UTRN: variants seen among roughly 807,000 people sequenced by gnomAD.
The protein encoded by UTRN is utrophin.
In UTRN, 283 loss-of-function variants were observed where a neutral mutation model predicts 463.9. The ratio of observed to expected loss-of-function variants is 0.61; its 90% CI spans 0.55 to 0.67. The LOEUF (loss-of-function observed/expected upper bound fraction) is 0.67, where lower values mean the gene tolerates loss of function less well. UTRN is among the 30% of genes least tolerant of loss of function. UTRN has a pLI of 0.00. For missense variants in UTRN, 3,922 were observed against 4,084.3 expected (o/e 0.96, Z 1.08); for synonymous variants, 1,442 against 1,431.5 (o/e 1.01, Z -0.17).
rs190593196 is a variant in UTRN, at chr6:144,474,478, A to G, written c.3181-126A>G. On this transcript the variant is annotated intron_variant, in intron 24 of 74. Transcript: ENST00000367545. The stretch of plus-strand genomic sequence containing the variant: ...TCTTAAGGCACAATATTTCTTAAGT[A>G]GTTAGAAGTACTGACTCTTAAGCAG... 2.0e-4 allele frequency: 191 copies of G among 963,432 alleles called. No homozygotes were observed. The African/African-American group carries it at 3.0e-3, about 15-fold the overall frequency. 59.7% of individuals were successfully genotyped at this position (963,432 alleles called of 1,614,324 possible). A position where few individuals can be genotyped will look rare whatever the true frequency, so the allele number is the denominator to read the frequency against.
intron 45 of UTRN, among the ~76,000 whole-genome samples, chr6:144,540,605 C>T (rs1033663501): frequency 5.9e-5 from 9 of 152,188 alleles, no homozygotes; most frequent in African/African-American, 1.2e-4. Flanking sequence ...CATACACAAT[C>T]GAGCTTTTGA....
At chr6:144,811,425 T>C (rs1778601509) in intron 65 of UTRN, among the ~76,000 whole-genome samples, 1 of 152,090 alleles carries the variant, frequency 6.6e-6, no homozygotes, top group Non-Finnish European at 1.5e-5. Context: ...CATCCTGAAG[T>C]GGTGTTTCAG....
chr6:144,809,857 T>A (rs1040834151), intron 65 of UTRN, among the ~76,000 whole-genome samples: 1 of 152,124 alleles, frequency 6.6e-6, no homozygotes, highest in African/African-American at 2.4e-5. Context: ...CTTCCCATCT[T>A]AGTTTCATAG....
At chr6:144,433,161 C>T (rs1294106656) in intron 9 of UTRN, among the ~76,000 whole-genome samples, 39 of 152,136 alleles carry the variant, frequency 2.6e-4, no homozygotes, top group African/African-American at 8.7e-4. Context: ...TCCACAAAAC[C>T]GCCATTGTCA....
chr6:144,449,267 T>G (rs1007755154), intron 17 of UTRN, among the ~76,000 whole-genome samples: 1 of 152,202 alleles, frequency 6.6e-6, no homozygotes, highest in Non-Finnish European at 1.5e-5. Context: ...TAAAATGGAC[T>G]ACCCCAATAA....
At chr6:144,833,225 A>G (rs755974982) in intron 69 of UTRN, among the ~76,000 whole-genome samples, 1 of 152,084 alleles carries the variant, frequency 6.6e-6, no homozygotes, top group Non-Finnish European at 1.5e-5. Context: ...ATCCTTGCTC[A>G]TTCTTTCTTT....
intron 51 of UTRN, among the ~76,000 whole-genome samples, chr6:144,606,159 AT>A (rs2128639399): frequency 6.6e-6 from 1 of 152,338 alleles, no homozygotes; most frequent in African/African-American, 2.4e-5. Flanking sequence ...ATTCAGTACT[AT>A]TTGTAAAACA....
intron 5 of UTRN, 150 bp from the exon 6 acceptor site, chr6:144,423,836 A>G: frequency 1.1e-6 from 1 of 911,966 alleles, no homozygotes; most frequent in Non-Finnish European, 1.7e-6. Flanking sequence ...TACATTTTTG[A>G]GATTTAAGCT....
intron 53 of UTRN, 78 bp from the exon 54 acceptor site, chr6:144,730,279 A>G: frequency 7.3e-7 from 1 of 1,376,114 alleles, no homozygotes. Context: ...TGTGGTCAGA[A>G]GTGGTATAGT....
intron 21 of UTRN, 145 bp downstream of exon 21, chr6:144,459,499 G>C (rs1201579609): frequency 1.2e-6 from 1 of 841,638 alleles, no homozygotes; most frequent in African/African-American, 1.7e-5. Context: ...AAGTCTTAAA[G>C]TCTTCTGTAT....
intron 2 of UTRN, among the ~76,000 whole-genome samples, chr6:144,341,819 T>C (rs1777158738): frequency 6.6e-6 from 1 of 152,246 alleles, no homozygotes; most frequent in Non-Finnish European, 1.5e-5. Flanking sequence ...GGCCAACTTC[T>C]TTCACAGCCT....
chr6:144,542,249 T>C (rs1339003677), intron 45 of UTRN, among the ~76,000 whole-genome samples: 1 of 152,130 alleles, frequency 6.6e-6, no homozygotes, highest in African/African-American at 2.4e-5. Context: ...GGATAAGGAA[T>C]TCAGATGTGG....
rs1803670170 is a variant in UTRN, at chr6:144,286,485, A to AG, written c.-93+670dup. Among the ~76,000 whole-genome samples, 1 of 151,738 alleles carries AG rather than the reference A, an allele frequency of 6.6e-6. No homozygotes were observed. ...CTGGAGAGACTGAGGGGACAGGAGG[A>AG]GGGGGGCGCCCCATTGGTGTGTAGT... On this transcript the variant is annotated intron_variant, in intron 1 of 74. Coordinates refer to ENST00000367545, the MANE Select transcript of UTRN (RefSeq NM_007124.3). This position sits in a 1 kb window ranked among gnomAD's most constrained non-coding sequence, Gnocchi z 4.4.
At chr6:144,461,106 C>T (rs1044728154) in intron 21 of UTRN, 91 bp from the exon 22 acceptor site, 55 of 1,095,720 alleles carry the variant, frequency 5.0e-5, no homozygotes, top group Non-Finnish European at 6.7e-5. Flanking sequence ...TCTCCTTTGC[C>T]ATGTATTGGA....
rs1780403156 is a variant in UTRN at position 144,828,687 on chromosome 6, T to G, written c.9600-103T>G. 1.1e-5 allele frequency: 13 copies of G among 1,159,984 alleles called. No individual in the cohort carries two copies. In the South Asian group the frequency reaches 1.6e-4, roughly 14 times the overall value. The allele number at this position is 1,159,984 out of a possible 1,614,324, so 71.9% of individuals were successfully genotyped here. A position where few individuals can be genotyped will look rare whatever the true frequency, so the allele number is the denominator to read the frequency against. On this transcript the variant is annotated intron_variant, in intron 68 of 74. Transcript: ENST00000367545. ...GTTAGGAGATTTGGATCTTTCTATG[T>G]TTTGTCAGAATTTTGACAATTTAAA...
At chr6:144,530,281 T>C (rs1796925094) in intron 41 of UTRN, among the ~76,000 whole-genome samples, 1 of 152,206 alleles carries the variant, frequency 6.6e-6, no homozygotes, top group African/African-American at 2.4e-5. Context: ...TCTTGCTGTG[T>C]CCTCACATGA....
chr6:144,413,961 G>A (rs1240229036), intron 3 of UTRN, among the ~76,000 whole-genome samples: 2 of 151,856 alleles, frequency 1.3e-5, no homozygotes, highest in African/African-American at 2.4e-5. Flanking sequence ...GTGCCACCAC[G>A]ACTGGCTAAT....
chr6:144,730,418 G>C lies in UTRN; in HGVS notation c.7871G>C (p.Arg2624Pro). 2 of 1,611,902 alleles carry C rather than the reference G, an allele frequency of 1.2e-6. No individual in the cohort carries two copies. The highest frequency in any genetic ancestry group is 1.7e-6 in the Non-Finnish European group (2 of 1,178,888). ...GTCCTGAATGCTGTCGACCAGGCCC[G>C]AGTTTTCTTGGCTGATCAGCCAATT... is the stretch of plus-strand genomic sequence containing the variant. ...YSVLNAVDQARVFLADQPIEA... is the reference protein window; with the variant it reads ...YSVLNAVDQAPVFLADQPIEA... Residue 2624 changes from arginine (R) to proline (P), a missense_variant, in exon 54 of 75, where the codon CGA becomes CCA. Physicochemically the swap from Arg to Pro is moderately radical, Grantham distance 103. This residue lies in a region of UTRN where 1,309 missense variants were observed against 1,452.6 expected (regional missense o/e 0.90). Coordinates refer to ENST00000367545, the MANE Select transcript of UTRN (RefSeq NM_007124.3).
At chr6:144,337,011 G>A (rs996204044) in intron 2 of UTRN, among the ~76,000 whole-genome samples, 1 of 152,182 alleles carries the variant, frequency 6.6e-6, no homozygotes, top group African/African-American at 2.4e-5. Context: ...CTGTTCTCCT[G>A]CAGATCGCTG....
Sources: gnomAD v4.1 joint callset for allele counts (sites outside exome capture counted in the v4.1 genomes callset) on GRCh38, gnomAD v4.1.1 for gene constraint, gnomAD v4.1.1 regional missense constraint, Gnocchi (gnomAD v3.1) non-coding constraint, MANE v1.5 for transcripts, NCBI Gene and HGNC (gene_info 2026-07-23, HGNC 2026-07-21) for gene names.